The following PTPRN2 variants were observed in gnomAD, a reference collection of about 807,000 sequenced individuals.
PTPRN2 encodes the protein protein tyrosine phosphatase receptor type N2, also known as receptor-type tyrosine-protein phosphatase N2.
PTPRN2 carries 74 observed loss-of-function variants against 118.8 expected under a neutral mutation model. The observed-to-expected ratio is 0.62, with a 90% CI of 0.52 to 0.76. The LOEUF is 0.76. Among genes scored for constraint, PTPRN2 ranks in the 30% least tolerant of loss-of-function variants. The probability of loss-of-function intolerance (pLI) is 0.00; values close to 1 mark genes in which losing one functional copy is unlikely to be tolerated. For missense variants in PTPRN2, 1,481 were observed against 1,394.4 expected (o/e 1.06, Z -0.99); for synonymous variants, 641 against 608.0 (o/e 1.05, Z -0.80).
rs565196322 is a variant in PTPRN2 at position 157,549,098 on chromosome 7, G to T, written c.2903-79C>A. The T allele has an allele frequency of 5.1e-4, 708 of 1,390,618 alleles. 1 individual carries two copies. Among genetic ancestry groups the T allele is most frequent in the Non-Finnish European group, 6.9e-4 (677 of 977,358 alleles). 86.1% of individuals were successfully genotyped at this position (1,390,618 alleles called of 1,614,324 possible). A position where few individuals can be genotyped will look rare whatever the true frequency, so the allele number is the denominator to read the frequency against. On this transcript the variant is annotated intron_variant, in intron 21 of 22. Transcript: ENST00000389418. ...CATCTGTCAATCTCCTGCTAGCCAC[G>T]TTCCCTCTGGGCTGAGAGGCCAATT...
chr7:157,850,149 C>T (rs1809160545), intron 12 of PTPRN2, among the ~76,000 whole-genome samples: 2 of 152,210 alleles, frequency 1.3e-5, no homozygotes, highest in African/African-American at 4.8e-5. Context: ...TATCCCCTCT[C>T]CACCCAACAC....
intron 13 of PTPRN2, among the ~76,000 whole-genome samples, chr7:157,657,578 T>C (rs1320436313): frequency 1.6e-5 from 1 of 62,114 alleles, no homozygotes; most frequent in African/African-American, 5.5e-5. Flanking sequence ...ATCACACATA[T>C]ACACACACAT....
At chr7:157,833,309 A>G (rs934526524) in intron 12 of PTPRN2, among the ~76,000 whole-genome samples, 20 of 148,110 alleles carry the variant, frequency 1.4e-4, no homozygotes, top group Admixed American at 1.1e-3. Flanking sequence ...TCCATCCTGT[A>G]TGACGGTGAA....
At chr7:157,810,033 C>A (rs886866018) in intron 12 of PTPRN2, among the ~76,000 whole-genome samples, 1 of 152,178 alleles carries the variant, frequency 6.6e-6, no homozygotes, top group African/African-American at 2.4e-5. Flanking sequence ...CCGGGGCCAC[C>A]GTCCAACTCA....
intron 12 of PTPRN2, among the ~76,000 whole-genome samples, chr7:157,827,944 T>G (rs1172354454): frequency 1.3e-5 from 2 of 152,154 alleles, no homozygotes; most frequent in Non-Finnish European, 2.9e-5. Context: ...CAGGACACAG[T>G]TGGGCTGACA....
chr7:157,586,852 A>G (rs1800703791), intron 17 of PTPRN2, among the ~76,000 whole-genome samples: 1 of 152,236 alleles, frequency 6.6e-6, no homozygotes, highest in African/African-American at 2.4e-5. Context: ...GGGGGCCGTG[A>G]ACCAGCTCGG....
At chr7:158,557,499 C>T (rs1184864638) in intron 1 of PTPRN2, among the ~76,000 whole-genome samples, 1 of 152,268 alleles carries the variant, frequency 6.6e-6, no homozygotes, top group African/African-American at 2.4e-5. Flanking sequence ...CTTCTTGGCC[C>T]TGCAGGTACA....
At chr7:157,659,088 C>T (rs1795750009) in intron 13 of PTPRN2, among the ~76,000 whole-genome samples, 1 of 151,744 alleles carries the variant, frequency 6.6e-6, no homozygotes, top group South Asian at 2.1e-4. Context: ...TCTGCCAAGC[C>T]CACCGGCACC....
intron 11 of PTPRN2, among the ~76,000 whole-genome samples, chr7:158,070,052 G>T (rs893205545): frequency 3.3e-5 from 5 of 152,182 alleles, no homozygotes; most frequent in Non-Finnish European, 7.3e-5. Flanking sequence ...CTTCCATTTT[G>T]CCAACCTCAG....
intron 12 of PTPRN2, among the ~76,000 whole-genome samples, chr7:157,709,067 A>G (rs749732706): frequency 1.3e-5 from 2 of 152,178 alleles, no homozygotes; most frequent in Non-Finnish European, 2.9e-5. Context: ...GCGAGCCGAG[A>G]GAGACAACTG....
At chr7:157,572,710 G>C (rs1191829427) in intron 19 of PTPRN2, among the ~76,000 whole-genome samples, 1 of 152,250 alleles carries the variant, frequency 6.6e-6, no homozygotes, top group East Asian at 1.9e-4. Flanking sequence ...TGAAGGAGCA[G>C]TTGCAGGGAC....
intron 3 of PTPRN2, among the ~76,000 whole-genome samples, chr7:158,215,754 C>CA (rs1451460170): frequency 2.0e-5 from 3 of 152,138 alleles, no homozygotes; most frequent in Non-Finnish European, 2.9e-5. Context: ...CAGAATCCCA[C>CA]AAGTCTATCA....
At chr7:157,920,469 A>G (rs1035517944) in intron 11 of PTPRN2, among the ~76,000 whole-genome samples, 4 of 152,208 alleles carry the variant, frequency 2.6e-5, no homozygotes, top group Non-Finnish European at 5.9e-5. Flanking sequence ...CTGAGCCTAC[A>G]CCAAGGCCCC....
intron 1 of PTPRN2, among the ~76,000 whole-genome samples, chr7:158,562,910 C>G (rs1005091557): frequency 1.3e-5 from 2 of 152,204 alleles, no homozygotes; most frequent in African/African-American, 2.4e-5. Flanking sequence ...AGTGCAGGCC[C>G]TTTAAAGACC....
Position 157,916,673 on chromosome 7 carries a change from G to A in PTPRN2, c.1724-17936C>T, listed in dbSNP as rs186870193. On this transcript the variant is annotated intron_variant, in intron 11 of 22. Coordinates refer to ENST00000389418, the MANE Select transcript of PTPRN2 (RefSeq NM_002847.5). ...CTTCTGATGTCATAAGCGTGGCCTCGAGGAGATGCTTAGGAGCCCCCAGGC... is the reference window on the plus strand; with the variant it reads ...CTTCTGATGTCATAAGCGTGGCCTCAAGGAGATGCTTAGGAGCCCCCAGGC... Among the ~76,000 whole-genome samples, 1,027 of 152,318 alleles carry A rather than the reference G, an allele frequency of 6.7e-3. 50 individuals carry two copies. Among genetic ancestry groups the A allele is most frequent in the Admixed American group, 0.061 (930 of 15,296 alleles).
chr7:157,778,976 C>G (rs1011811115), intron 12 of PTPRN2, among the ~76,000 whole-genome samples: 1 of 152,224 alleles, frequency 6.6e-6, no homozygotes, highest in Non-Finnish European at 1.5e-5. Flanking sequence ...GAACTTCCTG[C>G]TTTATGCTGG....
intron 11 of PTPRN2, among the ~76,000 whole-genome samples, chr7:158,061,764 T>A (rs1313144146): frequency 6.6e-6 from 1 of 152,234 alleles, no homozygotes. Flanking sequence ...ATGAGAAGGT[T>A]GTTAACCTGT....
At chr7:158,465,311 C>G (rs1819314877) in intron 2 of PTPRN2, among the ~76,000 whole-genome samples, 1 of 152,220 alleles carries the variant, frequency 6.6e-6, no homozygotes, top group South Asian at 2.1e-4. Flanking sequence ...CTTTCCCACC[C>G]CGTGACCCCT....
At chr7:158,251,002 A>G (rs532386432) in intron 3 of PTPRN2, among the ~76,000 whole-genome samples, 2 of 152,292 alleles carry the variant, frequency 1.3e-5, no homozygotes, top group South Asian at 2.1e-4. Context: ...TACGGAAGTT[A>G]AAGCCCCCTG....
Sources: gnomAD v4.1 joint callset for allele counts (sites outside exome capture counted in the v4.1 genomes callset) on GRCh38, gnomAD v4.1.1 for gene constraint, MANE v1.5 for transcripts, NCBI Gene and HGNC (gene_info 2026-07-23, HGNC 2026-07-21) for gene names.